B3GLCT: variants seen among roughly 807,000 people sequenced by gnomAD.
B3GLCT encodes beta-1,3-glucosyltransferase.
Under a neutral mutation model 63.4 loss-of-function variants are expected in B3GLCT, and 65 were observed. That is an observed-to-expected ratio of 1.03 (90% CI 0.84 to 1.26). B3GLCT has a LOEUF of 1.26. B3GLCT is among the 50% of genes most tolerant of loss of function. The probability of loss-of-function intolerance (pLI) is 0.00; values close to 1 mark genes in which losing one functional copy is unlikely to be tolerated. For missense variants in B3GLCT, 577 were observed against 604.8 expected, an observed-to-expected ratio of 0.95 and a Z score of 0.48; for synonymous variants, 233 against 219.2, an observed-to-expected ratio of 1.06 and a Z score of -0.55.
chr13:31,237,612 C>T (rs527240512), intron 4 of B3GLCT, among the ~76,000 whole-genome samples: 2 of 152,216 alleles, frequency 1.3e-5, no homozygotes, highest in African/African-American at 4.8e-5. Flanking sequence ...GCCTTGGCCT[C>T]CCAAAATGCT....
intron 2 of B3GLCT, among the ~76,000 whole-genome samples, chr13:31,218,221 C>T (rs1430099537): frequency 7.1e-6 from 1 of 141,356 alleles, no homozygotes; most frequent in Non-Finnish European, 1.5e-5. Flanking sequence ...TGGAGTCTCA[C>T]TCTTATCACC....
chr13:31,223,443 G>A (rs1392474987), intron 3 of B3GLCT, among the ~76,000 whole-genome samples: 1 of 152,178 alleles, frequency 6.6e-6, no homozygotes, highest in African/African-American at 2.4e-5. Context: ...CCTTTCAGGA[G>A]TCAGCTCACC....
chr13:31,319,560 C>T (rs939092621), intron 13 of B3GLCT, among the ~76,000 whole-genome samples: 4 of 152,206 alleles, frequency 2.6e-5, no homozygotes, highest in Non-Finnish European at 5.9e-5. Context: ...CCATCCTATC[C>T]TTGTTCATCC....
At chr13:31,251,707 A>G (rs545741059) in intron 6 of B3GLCT, among the ~76,000 whole-genome samples, 65 of 152,324 alleles carry the variant, frequency 4.3e-4, no homozygotes, top group African/African-American at 1.5e-3. Flanking sequence ...TCCAAGAAAT[A>G]TGGGACTGTG....
rs760425381 is a variant in B3GLCT at position 31,200,049 on chromosome 13, C to G, written c.-36C>G. The stretch of plus-strand genomic sequence containing the variant: ...CCGCTCCCCGCGCGTCTCCCTTCCC[C>G]GCGCCCAGGTAGGGCGCTCAGCCTC... On this transcript the variant is annotated 5_prime_UTR_variant, in exon 1 of 15. Transcript: ENST00000343307. 544 of 1,311,086 alleles carry G rather than the reference C, an allele frequency of 4.1e-4. 1 individual carries two copies. The African/African-American group carries it at 5.1e-3, about 12-fold the overall frequency. 81.2% of individuals were successfully genotyped at this position (1,311,086 alleles called of 1,614,324 possible).
chr13:31,276,254 A>G (rs1872778049), intron 9 of B3GLCT, among the ~76,000 whole-genome samples: 1 of 152,236 alleles, frequency 6.6e-6, no homozygotes, highest in African/African-American at 2.4e-5. Flanking sequence ...GGCCAGGCCC[A>G]GAAAAGGGCA....
chr13:31,325,802 GA>G lies in B3GLCT; in HGVS notation c.1329+1908del, dbSNP rs1259829640. On this transcript the variant is annotated intron_variant, in intron 14 of 14. Transcript: ENST00000343307. ...TTTGTTCATCTTCACAAAGAAATAT[GA>G]GGCAAAGAGATAAAATTTAAGAATC... Among the ~76,000 whole-genome samples, 10 of 152,262 alleles carry G rather than the reference GA, an allele frequency of 6.6e-5. No homozygotes were observed. In the East Asian group the frequency reaches 1.7e-3, roughly 26 times the overall value.
intron 1 of B3GLCT, among the ~76,000 whole-genome samples, chr13:31,203,867 A>G (rs544648971): frequency 6.6e-6 from 1 of 152,308 alleles, no homozygotes; most frequent in South Asian, 2.1e-4. Flanking sequence ...TCCCAAAGAA[A>G]CCTGATTTAA....
chr13:31,249,740 A>T (rs1323569380), intron 6 of B3GLCT, among the ~76,000 whole-genome samples: 2 of 152,210 alleles, frequency 1.3e-5, no homozygotes. Flanking sequence ...ACCATCCAGG[A>T]TGCTTTATTT....
At chr13:31,234,587 G>A (rs1447824363) in intron 4 of B3GLCT, among the ~76,000 whole-genome samples, 1 of 152,132 alleles carries the variant, frequency 6.6e-6, no homozygotes, top group Non-Finnish European at 1.5e-5. Flanking sequence ...ACAGGTGTGT[G>A]GGCTGTGATG....
intron 4 of B3GLCT, among the ~76,000 whole-genome samples, chr13:31,234,657 A>G (rs1307334989): frequency 6.6e-6 from 1 of 151,984 alleles, no homozygotes; most frequent in South Asian, 2.1e-4. Flanking sequence ...GGAAGTCAGG[A>G]TGGATCATGG....
intron 9 of B3GLCT, among the ~76,000 whole-genome samples, 157 bp from the exon 10 acceptor site, chr13:31,276,545 C>CCTAT (rs1872793562): frequency 6.6e-6 from 1 of 151,996 alleles, no homozygotes; most frequent in Admixed American, 6.6e-5. Context: ...TGTCAGCTGA[C>CCTAT]CTATGTTTCC....
intron 12 of B3GLCT, chr13:31,311,349 T>G (rs1380939901): frequency 6.6e-6 from 1 of 152,314 alleles, no homozygotes; most frequent in Non-Finnish European, 1.5e-5. Flanking sequence ...AACTGGAGAA[T>G]GTAAACACAG....
At chr13:31,245,203 C>A (rs572772918) in intron 4 of B3GLCT, among the ~76,000 whole-genome samples, 2 of 152,118 alleles carry the variant, frequency 1.3e-5, no homozygotes, top group Non-Finnish European at 2.9e-5. Flanking sequence ...ATAAGCTTGT[C>A]TTCTAATCTC....
chr13:31,321,721 A>G (rs944935780), intron 13 of B3GLCT, among the ~76,000 whole-genome samples: 2 of 152,060 alleles, frequency 1.3e-5, no homozygotes, highest in Admixed American at 1.3e-4. Context: ...CTGTGTAGGT[A>G]TTTTGCGTTG....
At chr13:31,273,609 G>T (rs1872661799) in intron 8 of B3GLCT, among the ~76,000 whole-genome samples, 1 of 151,814 alleles carries the variant, frequency 6.6e-6, no homozygotes, top group Admixed American at 6.6e-5. Flanking sequence ...TTTTGTGTGT[G>T]ATTTTTTTTT....
At chr13:31,216,371 G>A (rs1279256559) in intron 2 of B3GLCT, among the ~76,000 whole-genome samples, 5 of 152,136 alleles carry the variant, frequency 3.3e-5, no homozygotes, top group African/African-American at 1.2e-4. Flanking sequence ...ATTTGACCAA[G>A]GTCACATGAT....
chr13:31,310,731 C>T (rs1206353227), intron 12 of B3GLCT, among the ~76,000 whole-genome samples: 1 of 152,204 alleles, frequency 6.6e-6, no homozygotes, highest in Non-Finnish European at 1.5e-5. Context: ...GTGATGCTTC[C>T]TGGGGGCTCA....
chr13:31,274,537 G>C lies in B3GLCT; in HGVS notation c.689G>C (p.Gly230Ala), dbSNP rs1378361719. 1.2e-6 allele frequency: 2 copies of C among 1,614,184 alleles called. No individual in the cohort carries two copies. The highest frequency in any genetic ancestry group is 1.7e-6 in the Non-Finnish European group (2 of 1,180,024). ...EIALYIWDKG[G>A]GPPLTPVPEF... ...GCCCTCTACATCTGGGACAAAGGCG[G>C]AGGACCTCCCCTGACCCCAGTGCCT... The change falls in exon 9 of 15, where the codon GGA (glycine) becomes GCA (alanine). Residue 230 changes from glycine (G) to alanine (A), a missense_variant. Coordinates refer to ENST00000343307, the MANE Select transcript of B3GLCT (RefSeq NM_194318.4).
Sources: allele counts gnomAD v4.1 joint callset (sites outside exome capture counted in the v4.1 genomes callset), GRCh38; gene constraint gnomAD v4.1.1; transcripts MANE v1.5; gene names NCBI Gene and HGNC (gene_info 2026-07-23, HGNC 2026-07-21).